The following MED12L variants were observed in gnomAD, a reference collection of about 807,000 sequenced individuals.
MED12L encodes mediator of RNA polymerase II transcription subunit 12-like protein.
In MED12L, 60 loss-of-function variants were observed where a neutral mutation model predicts 281.3. The observed-to-expected ratio is 0.21, with a 90% CI of 0.17 to 0.26. The LOEUF (loss-of-function observed/expected upper bound fraction) is 0.26, where lower values mean the gene tolerates loss of function less well. Ranked by LOEUF, MED12L falls within the 10% of genes least tolerant of loss-of-function variation. The probability of loss-of-function intolerance (pLI) is 1.00; values close to 1 mark genes in which losing one functional copy is unlikely to be tolerated. For synonymous variants in MED12L, 974 were observed against 987.2 expected (o/e 0.99, Z 0.25); for missense variants, 2,146 against 2,680.9 (o/e 0.80, Z 4.41).
At chr3:151,254,751 T>C (rs1577137675) in intron 16 of MED12L, among the ~76,000 whole-genome samples, 1 of 152,230 alleles carries the variant, frequency 6.6e-6, no homozygotes, top group South Asian at 2.1e-4. Context: ...TTGACAAATG[T>C]GCTTGTTATT....
chr3:151,192,198 G>C (rs542658362), intron 14 of MED12L, among the ~76,000 whole-genome samples: 33 of 152,220 alleles, frequency 2.2e-4, no homozygotes, highest in Non-Finnish European at 4.1e-4. Flanking sequence ...AGATATTAAA[G>C]TGTCTTATAT....
intron 39 of MED12L, among the ~76,000 whole-genome samples, chr3:151,398,194 G>A (rs1715231466): frequency 6.6e-6 from 1 of 152,166 alleles, no homozygotes; most frequent in South Asian, 2.1e-4. Context: ...CCTTCTCATA[G>A]CTTTCCCTTC....
At chr3:151,306,462 AAGCTTCTG>A (rs1461377572) in intron 16 of MED12L, among the ~76,000 whole-genome samples, 2 of 152,162 alleles carry the variant, frequency 1.3e-5, no homozygotes, top group African/African-American at 4.8e-5. Flanking sequence ...GTGTTACGAA[AAGCTTCTG>A]AGTAGTGGAA....
At chr3:151,224,365 G>A (rs1730052541) in intron 16 of MED12L, among the ~76,000 whole-genome samples, 1 of 151,294 alleles carries the variant, frequency 6.6e-6, no homozygotes, top group African/African-American at 2.4e-5. Flanking sequence ...TAGTATAGAT[G>A]TATGTAATCA....
chr3:151,382,833 T>C, intron 33 of MED12L, 88 bp downstream of exon 33: 1 of 1,033,500 alleles, frequency 9.7e-7, no homozygotes, highest in Non-Finnish European at 1.4e-6. Context: ...AAGTGCAAAG[T>C]CTGCATTACA....
intron 16 of MED12L, among the ~76,000 whole-genome samples, chr3:151,318,479 C>G (rs1179661590): frequency 6.6e-6 from 1 of 151,608 alleles, no homozygotes; most frequent in Non-Finnish European, 1.5e-5. Flanking sequence ...CATGATGATT[C>G]ATAAATAATA....
At chr3:151,304,915 G>C (rs2149743358) in intron 16 of MED12L, among the ~76,000 whole-genome samples, 1 of 152,310 alleles carries the variant, frequency 6.6e-6, no homozygotes, top group East Asian at 1.9e-4. Context: ...GGCTGGACAA[G>C]GGGGTTGAGG....
At chr3:151,167,096 T>C (rs533699670) in intron 11 of MED12L, among the ~76,000 whole-genome samples, 5 of 152,330 alleles carry the variant, frequency 3.3e-5, no homozygotes, top group African/African-American at 9.6e-5. Context: ...AAAATCTTTT[T>C]AGCAACAACT....
chr3:151,338,527 T>C, intron 16 of MED12L: 1 of 1,613,948 alleles, frequency 6.2e-7, no homozygotes, highest in Non-Finnish European at 8.5e-7. Context: ...ATATACATTG[T>C]GAAATAAAAT....
intron 16 of MED12L, chr3:151,199,003 G>A (rs769212562): frequency 2.2e-5 from 36 of 1,613,898 alleles, no homozygotes; most frequent in African/African-American, 4.0e-5. Context: ...TGGCAAATCC[G>A]GGTTCTTGTA....
In MED12L at chr3:151,297,394, T is replaced by C. The variant is rs142583762; in HGVS notation, c.2251-52665T>C. Among the ~76,000 whole-genome samples the C allele has an allele frequency of 7.2e-5, 11 of 152,210 alleles. No homozygotes were observed. The East Asian group carries it at 2.1e-3, about 29-fold the overall frequency. ...CCAATTAAATGATTAGCAGTCACTT[T>C]CATCTAACCTGGGATAGAACTCTTA... On this transcript the variant is annotated intron_variant, in intron 16 of 44. Transcript: ENST00000687756.
At chr3:151,313,366 T>A (rs73157969) in intron 16 of MED12L, among the ~76,000 whole-genome samples, 39 of 152,256 alleles carry the variant, frequency 2.6e-4, no homozygotes, top group Non-Finnish European at 5.3e-4. Context: ...AATAAGTCTA[T>A]ATCATTTTAC....
chr3:151,385,201 A>C lies in MED12L; in HGVS notation c.5088+10A>C. On this transcript the variant is annotated intron_variant, in intron 36 of 44. Transcript: ENST00000687756. ...TATAGATAAAAAACAGGCAAGAGTG[A>C]ATGTTTTTTCTTATATATAAATTTA... 2.4e-6 allele frequency: 3 copies of C among 1,247,202 alleles called. No homozygotes were observed. Among genetic ancestry groups the C allele is most frequent in the Non-Finnish European group, 3.4e-6 (3 of 884,160 alleles). The allele number at this position is 1,247,202 out of a possible 1,614,324, so 77.3% of individuals were successfully genotyped here.
intron 15 of MED12L, among the ~76,000 whole-genome samples, chr3:151,193,282 A>G (rs1724219492): frequency 6.6e-6 from 1 of 152,306 alleles, no homozygotes; most frequent in East Asian, 1.9e-4. Context: ...TTTCTCATCT[A>G]CAAAATGGAG....
intron 16 of MED12L, chr3:151,336,993 C>G (rs1240706057): frequency 4.6e-5 from 7 of 152,088 alleles, no homozygotes; most frequent in African/African-American, 1.7e-4. Flanking sequence ...GTAAAATGTT[C>G]ATTAACCTAA....
intron 16 of MED12L, among the ~76,000 whole-genome samples, chr3:151,291,193 C>G (rs1744217638): frequency 7.1e-6 from 1 of 141,652 alleles, no homozygotes; most frequent in African/African-American, 2.6e-5. Flanking sequence ...TCTAGTATGT[C>G]ACATTTCCTT....
intron 16 of MED12L, among the ~76,000 whole-genome samples, chr3:151,202,625 G>T (rs932077032): frequency 6.6e-6 from 1 of 152,136 alleles, no homozygotes; most frequent in African/African-American, 2.4e-5. Flanking sequence ...AGCTGAGATC[G>T]CACCACTGCA....
At chr3:151,199,451 A>G (rs1576948077) in intron 16 of MED12L, 3 of 1,378,292 alleles carry the variant, frequency 2.2e-6, no homozygotes, top group Non-Finnish European at 3.0e-6. Context: ...TGTAAAAGAA[A>G]CAAGGAAAGG....
chr3:151,141,186 T>G (rs1191394642), intron 5 of MED12L, among the ~76,000 whole-genome samples: 35 of 99,324 alleles, frequency 3.5e-4, no homozygotes, highest in African/African-American at 1.7e-3. Context: ...TTGTTTTTTT[T>G]GTTTTTTTTT....
Sources: gnomAD v4.1 joint callset for allele counts (sites outside exome capture counted in the v4.1 genomes callset) on GRCh38, gnomAD v4.1.1 for gene constraint, MANE v1.5 for transcripts, NCBI Gene and HGNC (gene_info 2026-07-23, HGNC 2026-07-21) for gene names.